GALNTL6: variants seen among roughly 807,000 people sequenced by gnomAD.
GALNTL6 encodes polypeptide N-acetylgalactosaminyltransferase-like 6.
A neutral mutation model predicts 73.7 loss-of-function variants in GALNTL6; 46 were observed. The observed-to-expected ratio is 0.62, with a 90% CI of 0.49 to 0.80. The LOEUF (loss-of-function observed/expected upper bound fraction) is 0.80, where lower values mean the gene tolerates loss of function less well. Among genes scored for constraint, GALNTL6 ranks in the 30% least tolerant of loss-of-function variants. The probability of loss-of-function intolerance (pLI) is 0.00; values close to 1 mark genes in which losing one functional copy is unlikely to be tolerated. For synonymous variants in GALNTL6, 259 were observed against 263.7 expected, an observed-to-expected ratio of 0.98 and a Z score of 0.17; for missense variants, 604 against 755.0, an observed-to-expected ratio of 0.80 and a Z score of 2.34.
intron 2 of GALNTL6, among the ~76,000 whole-genome samples, chr4:171,925,060 G>A (rs944107729): frequency 6.6e-6 from 1 of 152,118 alleles, no homozygotes; most frequent in Admixed American, 6.5e-5. Flanking sequence ...GGAAAACTAA[G>A]CTTTAGCTCA....
intron 5 of GALNTL6, among the ~76,000 whole-genome samples, chr4:172,708,785 T>A (rs1207742012): frequency 2.0e-5 from 3 of 152,206 alleles, no homozygotes; most frequent in African/African-American, 7.2e-5. Context: ...TATCTTCTGC[T>A]GAACAGCACA....
chr4:172,820,687 G>A (rs1158203979), intron 7 of GALNTL6, among the ~76,000 whole-genome samples: 5 of 152,140 alleles, frequency 3.3e-5, no homozygotes, highest in Admixed American at 6.5e-5. Flanking sequence ...GGTAGAGTGG[G>A]AGAACTTTGT....
At chr4:171,973,589 G>A (rs1739633235) in intron 2 of GALNTL6, among the ~76,000 whole-genome samples, 1 of 152,086 alleles carries the variant, frequency 6.6e-6, no homozygotes, top group Non-Finnish European at 1.5e-5. Context: ...AATTCAGTAT[G>A]AACTCATCTT....
At chr4:171,914,741 A>C (rs140803079) in intron 2 of GALNTL6, among the ~76,000 whole-genome samples, 227 of 150,560 alleles carry the variant, frequency 1.5e-3, no homozygotes, top group Non-Finnish European at 2.9e-3. Flanking sequence ...TATGAATAAA[A>C]TAACACTTAA....
At chr4:172,739,014 G>A (rs1328286790) in intron 5 of GALNTL6, among the ~76,000 whole-genome samples, 1 of 152,160 alleles carries the variant, frequency 6.6e-6, no homozygotes, top group Non-Finnish European at 1.5e-5. Flanking sequence ...AGAATAAATT[G>A]TAAATGTTTC....
At chr4:172,861,451 A>C (rs1349592912) in intron 7 of GALNTL6, among the ~76,000 whole-genome samples, 1 of 152,112 alleles carries the variant, frequency 6.6e-6, no homozygotes, top group Non-Finnish European at 1.5e-5. Context: ...GACTTGAATA[A>C]GACAACTGTG....
intron 5 of GALNTL6, among the ~76,000 whole-genome samples, chr4:172,699,890 A>C (rs1277868142): frequency 6.6e-6 from 1 of 152,202 alleles, no homozygotes; most frequent in Non-Finnish European, 1.5e-5. Flanking sequence ...ACCAAATATC[A>C]ATAAAGAAGC....
intron 2 of GALNTL6, among the ~76,000 whole-genome samples, chr4:171,958,962 T>C (rs933689242): frequency 1.3e-5 from 2 of 152,176 alleles, no homozygotes; most frequent in Non-Finnish European, 2.9e-5. Context: ...GAGAAACTTG[T>C]AATCTTTCTT....
chr4:172,106,073 A>G (rs948874643), intron 2 of GALNTL6, among the ~76,000 whole-genome samples: 1 of 152,226 alleles, frequency 6.6e-6, no homozygotes, highest in Non-Finnish European at 1.5e-5. Flanking sequence ...TGTTAAACAC[A>G]GATGTGACTA....
chr4:172,330,011 G>C (rs73870085), intron 4 of GALNTL6, among the ~76,000 whole-genome samples: 1 of 152,196 alleles, frequency 6.6e-6, no homozygotes, highest in Admixed American at 6.5e-5. Flanking sequence ...TCTCAGGGAC[G>C]TATAACACTG....
At chr4:171,865,716 A>C (rs1321708205) in intron 2 of GALNTL6, among the ~76,000 whole-genome samples, 1 of 152,250 alleles carries the variant, frequency 6.6e-6, no homozygotes, top group African/African-American at 2.4e-5. Context: ...AAATATGAGC[A>C]ATATTCTCAG....
At chr4:172,817,109 A>T (rs1481636257) in intron 7 of GALNTL6, among the ~76,000 whole-genome samples, 2 of 145,472 alleles carry the variant, frequency 1.4e-5, no homozygotes, top group African/African-American at 5.3e-5. Flanking sequence ...CCGTCTCCAA[A>T]AAAAAAAAAA....
At chr4:172,758,177 CA>C (rs1200376490) in intron 5 of GALNTL6, among the ~76,000 whole-genome samples, 1 of 152,164 alleles carries the variant, frequency 6.6e-6, no homozygotes, top group Admixed American at 6.5e-5. Context: ...GTATTGTATA[CA>C]TGTTTTAATT....
intron 2 of GALNTL6, among the ~76,000 whole-genome samples, chr4:171,931,628 C>G (rs1738188168): frequency 6.6e-6 from 1 of 152,138 alleles, no homozygotes; most frequent in Non-Finnish European, 1.5e-5. Context: ...TTATATCTAT[C>G]ACTGCTTTAT....
At chr4:172,555,082 A>AAT (rs1429962193) in intron 5 of GALNTL6, among the ~76,000 whole-genome samples, 1 of 152,150 alleles carries the variant, frequency 6.6e-6, no homozygotes, top group Non-Finnish European at 1.5e-5. Flanking sequence ...GCAGGTGTAC[A>AAT]ATAGCACATA....
chr4:172,976,678 C>G (rs1750825752), intron 10 of GALNTL6, among the ~76,000 whole-genome samples: 1 of 152,232 alleles, frequency 6.6e-6, no homozygotes, highest in South Asian at 2.1e-4. Flanking sequence ...TCTAAGATTG[C>G]TGACTCCCCA....
intron 2 of GALNTL6, among the ~76,000 whole-genome samples, chr4:171,948,005 T>C (rs1738753425): frequency 6.6e-6 from 1 of 152,210 alleles, no homozygotes; most frequent in African/African-American, 2.4e-5. Flanking sequence ...TTTCTTCCCA[T>C]TTCTCACTTA....
chr4:172,540,978 A>G lies in GALNTL6; in HGVS notation c.553+192289A>G, dbSNP rs2110873563. Among the ~76,000 whole-genome samples, 2 of 152,340 alleles carry G rather than the reference A, an allele frequency of 1.3e-5. 1 individual carries two copies. Among genetic ancestry groups the G allele is most frequent in the South Asian group, 4.1e-4 (2 of 4,824 alleles). ...GCCTAGAAACGGAAGGCCTGGCTAC[A>G]TTAATGGAGATTCTCAACAGATGCA... On this transcript the variant is annotated intron_variant, in intron 5 of 12. Coordinates refer to ENST00000506823, the MANE Select transcript of GALNTL6 (RefSeq NM_001034845.3).
rs1430560596 is a variant in GALNTL6 at position 172,882,923 on chromosome 4, C to T, written c.1041+16C>T. On this transcript the variant is annotated intron_variant, in intron 8 of 12. Coordinates refer to ENST00000506823, the MANE Select transcript of GALNTL6 (RefSeq NM_001034845.3). ...CTCTTTTAAGGTAAGCCCCAAGACCCTCTTCACACTATATCTGTATAATTT... is the reference window on the plus strand; with the variant it reads ...CTCTTTTAAGGTAAGCCCCAAGACCTTCTTCACACTATATCTGTATAATTT... The T allele has an allele frequency of 8.1e-7, 1 of 1,235,266 alleles. No homozygotes were observed. The highest frequency in any genetic ancestry group is 2.3e-5 in the East Asian group (1 of 42,976). The allele number at this position is 1,235,266 out of a possible 1,614,324, so 76.5% of individuals were successfully genotyped here. A position where few individuals can be genotyped will look rare whatever the true frequency, so the allele number is the denominator to read the frequency against.
Sources: gnomAD v4.1 joint callset for allele counts (sites outside exome capture counted in the v4.1 genomes callset) on GRCh38, gnomAD v4.1.1 for gene constraint, MANE v1.5 for transcripts, NCBI Gene and HGNC (gene_info 2026-07-23, HGNC 2026-07-21) for gene names.